EHD4: variants seen among roughly 807,000 people sequenced by gnomAD.
The protein encoded by EHD4 is EH domain-containing protein 4.
Under a neutral mutation model 51.0 loss-of-function variants are expected in EHD4, and 37 were observed. The observed-to-expected ratio is 0.73, with a 90% CI of 0.56 to 0.95. The LOEUF (loss-of-function observed/expected upper bound fraction) is 0.95, where lower values mean the gene tolerates loss of function less well. Among genes scored for constraint, EHD4 ranks in the 40% least tolerant of loss-of-function variants. The probability of loss-of-function intolerance (pLI) is 0.00; values close to 1 mark genes in which losing one functional copy is unlikely to be tolerated. For missense variants in EHD4, 632 were observed against 733.1 expected, an observed-to-expected ratio of 0.86 and a Z score of 1.59; for synonymous variants, 297 against 317.3, an observed-to-expected ratio of 0.94 and a Z score of 0.68.
At chr15:41,903,871 C>T (rs541280029) in intron 5 of EHD4, among the ~76,000 whole-genome samples, 2 of 152,288 alleles carry the variant, frequency 1.3e-5, no homozygotes, top group African/African-American at 4.8e-5. Flanking sequence ...GTGGCCCCTG[C>T]TCAGCTCAGA....
chr15:41,962,132 T>A (rs910198760), intron 1 of EHD4, among the ~76,000 whole-genome samples: 2 of 152,234 alleles, frequency 1.3e-5, no homozygotes, highest in African/African-American at 4.8e-5. Flanking sequence ...AAGGTCTGCG[T>A]TAAAGCAATG....
At chr15:41,962,176 A>G (rs1311146985) in intron 1 of EHD4, among the ~76,000 whole-genome samples, 1 of 152,204 alleles carries the variant, frequency 6.6e-6, no homozygotes, top group Non-Finnish European at 1.5e-5. Flanking sequence ...AAATACAAAA[A>G]TGTAACTTAG....
At chr15:41,911,394 T>C (rs954600047) in intron 4 of EHD4, among the ~76,000 whole-genome samples, 2 of 152,238 alleles carry the variant, frequency 1.3e-5, no homozygotes, top group Non-Finnish European at 2.9e-5. Flanking sequence ...GGATCCGTTA[T>C]TTAGAATCCT....
In EHD4 at chr15:41,903,453, TAC is replaced by T. The variant is rs146543286; in HGVS notation, c.1090-2274_1090-2273del. On this transcript the variant is annotated intron_variant, in intron 5 of 5. Transcript: ENST00000220325. The stretch of plus-strand genomic sequence containing the variant: ...ATGCATTTCTAGCCATTAACATACA[TAC>T]ACACACACACACACACACACACACA... 9.1e-3 allele frequency among the ~76,000 whole-genome samples: 1,308 copies of T among 144,288 alleles called. 16 individuals carry two copies. Among genetic ancestry groups the T allele is most frequent in the East Asian group, 0.078 (377 of 4,814 alleles). The allele number at this position is 144,288 out of a possible 152,430, so 94.7% of individuals were successfully genotyped here.
At chr15:41,950,546 G>A (rs2067846222) in intron 2 of EHD4, among the ~76,000 whole-genome samples, 2 of 152,222 alleles carry the variant, frequency 1.3e-5, no homozygotes, top group East Asian at 3.8e-4. Flanking sequence ...CTATAATTAT[G>A]TACACATATT....
Position 41,899,243 on chromosome 15 carries a change from T to C in EHD4, c.*1402A>G, listed in dbSNP as rs1300695395. 6.6e-6 allele frequency: 1 copy of C among 152,092 alleles called. No homozygotes were observed. The highest frequency in any genetic ancestry group is 2.4e-5 in the African/African-American group (1 of 41,408). The allele number at this position is 152,092 out of a possible 1,614,324, so 9.4% of individuals were successfully genotyped here. ...TTTTCTGGAGATGAGGCAGGGAGATTTGCAAGGAAAAGTCACCTACCTCCC... is the reference window on the plus strand; with the variant it reads ...TTTTCTGGAGATGAGGCAGGGAGATCTGCAAGGAAAAGTCACCTACCTCCC... On this transcript the variant is annotated 3_prime_UTR_variant, in exon 6 of 6. Transcript: ENST00000220325.
Position 41,900,554 on chromosome 15 carries a change from G to A in EHD4, c.*91C>T, listed in dbSNP as rs1364162168. 9 of 1,345,356 alleles carry A rather than the reference G, an allele frequency of 6.7e-6. No homozygotes were observed. Among genetic ancestry groups the A allele is most frequent in the East Asian group, 2.5e-5 (1 of 39,672 alleles). The allele number at this position is 1,345,356 out of a possible 1,614,324, so 83.3% of individuals were successfully genotyped here. A position where few individuals can be genotyped will look rare whatever the true frequency, so the allele number is the denominator to read the frequency against. On this transcript the variant is annotated 3_prime_UTR_variant, in exon 6 of 6. Transcript: ENST00000220325. The surrounding 1 kb of genome is among the most constrained non-coding windows in gnomAD (Gnocchi z 4.8). The stretch of plus-strand genomic sequence containing the variant: ...GGGAAACCAAGGCACAGAGAGGGCA[G>A]TGCCTTGCCCAAGGTCATTCGGTGA...
chr15:41,962,140 A>G (rs966128008), intron 1 of EHD4, among the ~76,000 whole-genome samples: 3 of 152,246 alleles, frequency 2.0e-5, no homozygotes, highest in Admixed American at 1.3e-4. Context: ...CGTTAAAGCA[A>G]TGGTGAGCTG....
At chr15:41,956,022 G>A (rs575828481) in intron 1 of EHD4, among the ~76,000 whole-genome samples, 1 of 152,172 alleles carries the variant, frequency 6.6e-6, no homozygotes, top group Non-Finnish European at 1.5e-5. Flanking sequence ...GAGGGGCTTG[G>A]GAGAACAGCA....
chr15:41,954,009 G>A, intron 1 of EHD4, 69 bp from the exon 2 acceptor site: 1 of 1,528,922 alleles, frequency 6.5e-7, no homozygotes, highest in Non-Finnish European at 8.9e-7. Flanking sequence ...AAGCTGCCTG[G>A]GATTACCAAT....
intron 3 of EHD4, 138 bp from the exon 4 acceptor site, chr15:41,919,760 G>C (rs900981292): frequency 2.4e-6 from 2 of 826,064 alleles, no homozygotes; most frequent in African/African-American, 1.8e-5. Flanking sequence ...TGGAGGCCTG[G>C]TGACATGAAA....
intron 4 of EHD4, among the ~76,000 whole-genome samples, chr15:41,914,033 T>C (rs2140986239): frequency 7.7e-6 from 1 of 129,068 alleles, no homozygotes; most frequent in African/African-American, 3.3e-5. Context: ...TCTCATTGTG[T>C]CCAATGATGT....
intron 5 of EHD4, among the ~76,000 whole-genome samples, chr15:41,901,984 A>G (rs993735170): frequency 6.6e-6 from 1 of 152,200 alleles, no homozygotes; most frequent in Non-Finnish European, 1.5e-5. Flanking sequence ...AAGAGCAGGG[A>G]GTAGGGCTGG....
intron 3 of EHD4, among the ~76,000 whole-genome samples, chr15:41,933,186 T>A (rs1177823675): frequency 6.6e-6 from 1 of 152,196 alleles, no homozygotes; most frequent in African/African-American, 2.4e-5. Context: ...AGATGCTCCC[T>A]GAAAGCCTTG....
Position 41,919,533 on chromosome 15 carries a change from C to A in EHD4, c.601G>T (p.Asp201Tyr), listed in dbSNP as rs1019433317. 1 of 1,537,650 alleles carries A rather than the reference C, an allele frequency of 6.5e-7. No individual in the cohort carries two copies. Among genetic ancestry groups the A allele is most frequent in the Non-Finnish European group, 8.7e-7 (1 of 1,145,522 alleles). ...LFDAHKLDIS[D>Y]EFSEAIKAFR... ...GCCTTGATGGCCTCTGAGAATTCATCTGAGATGTCCAGCTTGTGAGCGTCA... is the reference window on the plus strand; with the variant it reads ...GCCTTGATGGCCTCTGAGAATTCATATGAGATGTCCAGCTTGTGAGCGTCA... Residue 201 changes from aspartate (D) to tyrosine (Y), a missense_variant, in exon 4 of 6, where the codon GAT becomes TAT. By Grantham distance (160) the Asp-to-Tyr change is radical. Transcript: ENST00000220325.
chr15:41,933,098 C>T (rs1238871337), intron 3 of EHD4, among the ~76,000 whole-genome samples: 8 of 152,248 alleles, frequency 5.3e-5, no homozygotes, highest in Non-Finnish European at 1.2e-4. Context: ...GGGATTCAAG[C>T]TCAGGTCAGC....
chr15:41,965,543 A>G (rs1368804156), intron 1 of EHD4, among the ~76,000 whole-genome samples: 1 of 152,200 alleles, frequency 6.6e-6, no homozygotes, highest in Non-Finnish European at 1.5e-5. Context: ...GGGAGGGCAC[A>G]TAAGAATTAC....
chr15:41,965,997 C>A (rs1311317388), intron 1 of EHD4, among the ~76,000 whole-genome samples: 1 of 147,138 alleles, frequency 6.8e-6, no homozygotes, highest in Admixed American at 6.8e-5. Flanking sequence ...CCCTGCAGCT[C>A]CTTGCCCTGC....
chr15:41,948,768 C>T (rs1237739926), intron 2 of EHD4, among the ~76,000 whole-genome samples: 5 of 152,106 alleles, frequency 3.3e-5, no homozygotes, highest in Non-Finnish European at 2.9e-5. Flanking sequence ...GTGTCTCATG[C>T]CTGTAATCCC....
Sources: gnomAD v4.1 joint callset for allele counts (sites outside exome capture counted in the v4.1 genomes callset) on GRCh38, gnomAD v4.1.1 for gene constraint, Gnocchi (gnomAD v3.1) non-coding constraint, MANE v1.5 for transcripts, NCBI Gene and HGNC (gene_info 2026-07-23, HGNC 2026-07-21) for gene names.